Variants in TACC1 observed in about 807,000 individuals in gnomAD.
TACC1 encodes transforming acidic coiled-coil-containing protein 1.
In TACC1, 48 loss-of-function variants were observed where a neutral mutation model predicts 84.4. The ratio of observed to expected loss-of-function variants is 0.57; its 90% CI spans 0.45 to 0.72. TACC1 has a LOEUF of 0.72. TACC1 is among the 30% of genes least tolerant of loss of function. The pLI is 0.00. For missense variants in TACC1, 920 were observed against 973.0 expected (o/e 0.95, Z 0.72); for synonymous variants, 372 against 376.3 (o/e 0.99, Z 0.13).
chr8:38,739,404 G>A (rs138112170), intron 1 of TACC1, among the ~76,000 whole-genome samples: 2 of 152,302 alleles, frequency 1.3e-5, no homozygotes, highest in African/African-American at 2.4e-5. Context: ...AGTGGTTAAC[G>A]TGGATCCCCA....
At chr8:38,757,552 G>A in intron 3 of TACC1, 1 of 1,092,882 alleles carries the variant, frequency 9.2e-7, no homozygotes, top group Non-Finnish European at 1.1e-6. Context: ...TCGGCAGCGG[G>A]GCACGAGAGT....
chr8:38,825,564 C>CT lies in TACC1; in HGVS notation c.1452+208dup, dbSNP rs918983971. 9.3e-3 allele frequency among the ~76,000 whole-genome samples: 1,335 copies of CT among 143,904 alleles called. 11 individuals carry two copies. The highest frequency in any genetic ancestry group is 0.014 in the Middle Eastern group (4 of 282). 94.4% of individuals were successfully genotyped at this position (143,904 alleles called of 152,430 possible). A position where few individuals can be genotyped will look rare whatever the true frequency, so the allele number is the denominator to read the frequency against. On this transcript the variant is annotated intron_variant, in intron 4 of 12. Coordinates refer to ENST00000317827, the MANE Select transcript of TACC1 (RefSeq NM_006283.3). ...ACAAGGGAACCCTTTCACAATGACTCTTTTTTTTTTTTGGTAAAATTCCCA... is the reference window on the plus strand; with the variant it reads ...ACAAGGGAACCCTTTCACAATGACTCTTTTTTTTTTTTTGGTAAAATTCCCA...
intron 1 of TACC1, among the ~76,000 whole-genome samples, chr8:38,734,473 G>A (rs1383076081): frequency 1.3e-5 from 2 of 152,166 alleles, no homozygotes; most frequent in African/African-American, 4.8e-5. Flanking sequence ...TGAGGTTATA[G>A]GTATGAGCCA....
chr8:38,745,869 G>T (rs919391510), intron 3 of TACC1, among the ~76,000 whole-genome samples: 12 of 152,124 alleles, frequency 7.9e-5, no homozygotes, highest in African/African-American at 2.9e-4. Context: ...TTGTTGAGAT[G>T]AGGTCTCACT....
intron 3 of TACC1, among the ~76,000 whole-genome samples, chr8:38,766,638 C>T (rs1257256436): frequency 6.6e-6 from 1 of 152,194 alleles, no homozygotes; most frequent in East Asian, 1.9e-4. Context: ...TGAAAATACA[C>T]ATATACACAA....
chr8:38,833,595 C>T (rs907571803), intron 6 of TACC1, among the ~76,000 whole-genome samples: 4 of 152,174 alleles, frequency 2.6e-5, no homozygotes, highest in Admixed American at 6.5e-5. Context: ...GATCTCCTAC[C>T]GCCTGCTCAG....
At chr8:38,837,710 C>A (rs1830495807) in intron 7 of TACC1, among the ~76,000 whole-genome samples, 1 of 152,164 alleles carries the variant, frequency 6.6e-6, no homozygotes, top group Non-Finnish European at 1.5e-5. Flanking sequence ...AGGATACATC[C>A]TTCTATGTTC....
chr8:38,799,329 T>A (rs1375044091), intron 2 of TACC1, among the ~76,000 whole-genome samples: 4 of 152,150 alleles, frequency 2.6e-5, no homozygotes, highest in Admixed American at 2.6e-4. Context: ...GAGTCCTTTA[T>A]GTATCAGACA....
chr8:38,795,510 T>C (rs1315597327), intron 2 of TACC1, among the ~76,000 whole-genome samples: 1 of 152,226 alleles, frequency 6.6e-6, no homozygotes, highest in Non-Finnish European at 1.5e-5. Flanking sequence ...CCATGTAATG[T>C]CCCACCTACA....
At chr8:38,790,655 A>G (rs1818428351) in intron 2 of TACC1, among the ~76,000 whole-genome samples, 1 of 152,166 alleles carries the variant, frequency 6.6e-6, no homozygotes, top group Non-Finnish European at 1.5e-5. Flanking sequence ...ACTTCTTCGT[A>G]GGTTGCCTAG....
intron 3 of TACC1, among the ~76,000 whole-genome samples, chr8:38,747,777 T>C (rs1808336490): frequency 6.6e-6 from 1 of 152,222 alleles, no homozygotes; most frequent in South Asian, 2.1e-4. Context: ...TGGCTATATG[T>C]ACATAAATAC....
chr8:38,825,099 C>T (rs544642509), intron 3 of TACC1, among the ~76,000 whole-genome samples: 6 of 152,224 alleles, frequency 3.9e-5, no homozygotes, highest in East Asian at 3.9e-4. Flanking sequence ...GAATGAGCCC[C>T]GCTTGTAGGT....
chr8:38,758,678 CAAAAAAAAA>C (rs773304871), intron 3 of TACC1, among the ~76,000 whole-genome samples: 1,071 of 26,076 alleles, frequency 0.041, 23 homozygotes, highest in African/African-American at 0.087. Flanking sequence ...GACTCCATCT[CAAAAAAAAA>C]AAAAAAAAAA....
chr8:38,778,275 T>TGG, intron 3 of TACC1, among the ~76,000 whole-genome samples: 1 of 7,114 alleles, frequency 1.4e-4, no homozygotes, highest in South Asian at 7.0e-3. Context: ...TAATTAAAAT[T>TGG]GTGTGTGTGT....
chr8:38,785,767 G>T, upstream of TACC1: 2 of 959,760 alleles, frequency 2.1e-6, no homozygotes, highest in Non-Finnish European at 2.5e-6. Context: ...ACAACAGTTG[G>T]ATAAGTGGTG....
At chr8:38,830,773 T>TA (rs565833606) in intron 5 of TACC1, among the ~76,000 whole-genome samples, 1 of 152,064 alleles carries the variant, frequency 6.6e-6, no homozygotes, top group Non-Finnish European at 1.5e-5. Flanking sequence ...ACTTGATGAT[T>TA]AAAAAAAAGC....
At chr8:38,847,878 C>A in intron 12 of TACC1, 77 bp from the exon 13 acceptor site, 1 of 1,227,070 alleles carries the variant, frequency 8.1e-7, no homozygotes. Context: ...TAGATCCAGA[C>A]TTGGGACTAG....
intron 3 of TACC1, among the ~76,000 whole-genome samples, chr8:38,780,872 G>T (rs1815812572): frequency 1.3e-5 from 2 of 152,112 alleles, no homozygotes; most frequent in Admixed American, 1.3e-4. Flanking sequence ...GAGTTTACAG[G>T]ATGCTGTGTA....
At chr8:38,777,957 CT>C (rs1326506330) in intron 3 of TACC1, among the ~76,000 whole-genome samples, 1 of 152,002 alleles carries the variant, frequency 6.6e-6, no homozygotes, top group Non-Finnish European at 1.5e-5. Flanking sequence ...GGTTCTTTTG[CT>C]AGAAGAAATA....
Sources: gnomAD v4.1 joint callset for allele counts (sites outside exome capture counted in the v4.1 genomes callset) on GRCh38, gnomAD v4.1.1 for gene constraint, MANE v1.5 for transcripts, NCBI Gene and HGNC (gene_info 2026-07-23, HGNC 2026-07-21) for gene names.